Variants in SH3BGRL observed in about 807,000 individuals in gnomAD.
The protein encoded by SH3BGRL is adapter SH3BGRL.
Under a neutral mutation model 9.8 loss-of-function variants are expected in SH3BGRL, and 7 were observed. The observed-to-expected ratio is 0.72, with a 90% confidence interval of 0.41 to 1.35. SH3BGRL has a LOEUF of 1.35. Among genes scored for constraint, SH3BGRL ranks in the 40% most tolerant of loss-of-function variants. The pLI, the probability that SH3BGRL is intolerant of heterozygous loss-of-function variation, is 0.01. For missense variants in SH3BGRL, 73 were observed against 84.4 expected, an observed-to-expected ratio of 0.86 and a Z score of 0.53; for synonymous variants, 36 against 29.1, an observed-to-expected ratio of 1.24 and a Z score of -0.76.
Position 81,277,206 on chromosome X carries a change from G to T in SH3BGRL, c.231+37G>T, listed in dbSNP as rs754995676. On this transcript the variant is annotated intron_variant, in intron 2 of 3. Transcript: ENST00000373212. Reference sequence around the variant, plus strand: ...ATTTAAATTCTTGTTTATTGTAATAGATTGCCCCAAATCTATCCATTATTT... The same window carrying T: ...ATTTAAATTCTTGTTTATTGTAATATATTGCCCCAAATCTATCCATTATTT... The T allele has an allele frequency of 7.2e-6, 8 of 1,113,608 alleles. No individual in the cohort carries two copies. The South Asian group carries it at 9.7e-5, about 14-fold the overall frequency. The allele number at this position is 1,113,608 out of a possible 1,213,427, so 91.8% of individuals were successfully genotyped here.
At chrX:81,285,733 G>A (rs1287258982) in intron 3 of SH3BGRL, among the ~76,000 whole-genome samples, 2 of 111,544 alleles carry the variant, frequency 1.8e-5, no homozygotes, top group East Asian at 5.6e-4. Context: ...AACAAAAATA[G>A]TTTATCTACT....
intron 3 of SH3BGRL, among the ~76,000 whole-genome samples, chrX:81,286,498 C>CAAAAA (rs570813241): frequency 1.3e-4 from 6 of 46,407 alleles, no homozygotes; most frequent in African/African-American, 4.7e-4. Flanking sequence ...AGCTACTAGG[C>CAAAAA]AAAAAAAAAA....
chrX:81,295,148 G>T (rs1301438605), intron 3 of SH3BGRL, among the ~76,000 whole-genome samples: 1 of 112,034 alleles, frequency 8.9e-6, no homozygotes, highest in Non-Finnish European at 1.9e-5. Context: ...TTAAGACTTT[G>T]TGGGACTTTT....
At chrX:81,233,266 G>C (rs2075638398) in intron 1 of SH3BGRL, among the ~76,000 whole-genome samples, 1 of 111,935 alleles carries the variant, frequency 8.9e-6, no homozygotes. Context: ...GTGTGTTTAA[G>C]TGCAAGACTT....
intron 1 of SH3BGRL, among the ~76,000 whole-genome samples, chrX:81,272,987 C>G (rs767448130): frequency 7.2e-5 from 8 of 111,546 alleles, no homozygotes; most frequent in African/African-American, 2.6e-4. Flanking sequence ...TTATAGAGTT[C>G]GATTATATGT....
rs190600623 is a variant in SH3BGRL, at chrX:81,281,041, A to T, written c.312+2630A>T. Among the ~76,000 whole-genome samples the T allele has an allele frequency of 2.7e-5, 3 of 111,407 alleles. No individual in the cohort carries two copies. In the Admixed American group the frequency reaches 2.9e-4, roughly 11 times the overall value. ...AACACGAAATGCTTTGGAAAGTCTCAGCAATAGAATTGAACAAGTAGAAGA... is the reference window on the plus strand; with the variant it reads ...AACACGAAATGCTTTGGAAAGTCTCTGCAATAGAATTGAACAAGTAGAAGA... On this transcript the variant is annotated intron_variant, in intron 3 of 3. Transcript: ENST00000373212.
chrX:81,277,792 C>T (rs147174277), intron 2 of SH3BGRL, among the ~76,000 whole-genome samples: 1,641 of 111,661 alleles, frequency 0.015, 32 homozygotes, highest in African/African-American at 0.05. Flanking sequence ...AATCATTCTG[C>T]AGTTTTTGTG....
At chrX:81,283,901 A>G (rs2075825934) in intron 3 of SH3BGRL, among the ~76,000 whole-genome samples, 2 of 111,285 alleles carry the variant, frequency 1.8e-5, no homozygotes, top group South Asian at 7.5e-4. Context: ...TGATGATAGG[A>G]TCATTTATCT....
At chrX:81,263,161 A>G (rs993172352) in intron 1 of SH3BGRL, among the ~76,000 whole-genome samples, 4 of 110,087 alleles carry the variant, frequency 3.6e-5, no homozygotes, top group Non-Finnish European at 7.7e-5. Context: ...GAAGGGAACA[A>G]AGAGAGAAAA....
At chrX:81,225,010 A>G (rs2075612389) in intron 1 of SH3BGRL, among the ~76,000 whole-genome samples, 1 of 110,854 alleles carries the variant, frequency 9.0e-6, no homozygotes, top group African/African-American at 3.3e-5. Context: ...TAATTGCTTG[A>G]TGAATGATAT....
chrX:81,287,336 A>G (rs1013668890), intron 3 of SH3BGRL, among the ~76,000 whole-genome samples: 2 of 112,025 alleles, frequency 1.8e-5, no homozygotes, highest in African/African-American at 6.5e-5. Context: ...AGTGGCTGCT[A>G]CAAGCAATTA....
chrX:81,277,624 A>T (rs1181275460), intron 2 of SH3BGRL, among the ~76,000 whole-genome samples: 1 of 112,031 alleles, frequency 8.9e-6, no homozygotes, highest in Non-Finnish European at 1.9e-5. Flanking sequence ...GTAGGCTCTG[A>T]GAAAATCTCA....
intron 1 of SH3BGRL, among the ~76,000 whole-genome samples, chrX:81,236,554 T>C (rs2075648582): frequency 9.0e-6 from 1 of 111,579 alleles, no homozygotes; most frequent in South Asian, 3.8e-4. Context: ...TCTAGACTTA[T>C]TAAATTTGGA....
At chrX:81,208,039 G>A (rs1000963091) in intron 1 of SH3BGRL, among the ~76,000 whole-genome samples, 4 of 111,386 alleles carry the variant, frequency 3.6e-5, no homozygotes, top group African/African-American at 9.8e-5. Flanking sequence ...GGCGGATCAC[G>A]AGGTCAGGAG....
rs1156977306 is a variant in SH3BGRL at position 81,249,669 on chromosome X, C to T, written c.46-27315C>T. ...TGTAGTCCCCAGAACACTGCTGGGC[C>T]CAGAATGAGTACTTAATAAATACTT... On this transcript the variant is annotated intron_variant, in intron 1 of 3. Transcript: ENST00000373212. Among the ~76,000 whole-genome samples, 4 of 111,963 alleles carry T rather than the reference C, an allele frequency of 3.6e-5. No homozygotes were observed. The Admixed American group carries it at 3.8e-4, about 11-fold the overall frequency.
intron 1 of SH3BGRL, among the ~76,000 whole-genome samples, chrX:81,274,569 G>T: frequency 9.1e-6 from 1 of 109,438 alleles, no homozygotes; most frequent in East Asian, 2.9e-4. Context: ...TCTAGCCTGG[G>T]CGACAGAGCT....
chrX:81,279,335 G>A (rs1426351063), intron 3 of SH3BGRL, among the ~76,000 whole-genome samples: 1 of 111,465 alleles, frequency 9.0e-6, no homozygotes, highest in African/African-American at 3.3e-5. Flanking sequence ...ATAAGATAGA[G>A]TACTAGATTG....
chrX:81,204,087 T>A (rs1355117280), intron 1 of SH3BGRL, among the ~76,000 whole-genome samples: 1 of 111,649 alleles, frequency 9.0e-6, no homozygotes, highest in Non-Finnish European at 1.9e-5. Context: ...CCATCTTTGT[T>A]GGACTTTATT....
chrX:81,247,592 T>C (rs184400348), intron 1 of SH3BGRL, among the ~76,000 whole-genome samples: 26 of 111,966 alleles, frequency 2.3e-4, no homozygotes, highest in African/African-American at 7.8e-4. Flanking sequence ...CATTCTGTTT[T>C]TGTTGTGAAT....
Sources: gnomAD v4.1 joint callset for allele counts (sites outside exome capture counted in the v4.1 genomes callset) on GRCh38, gnomAD v4.1.1 for gene constraint, MANE v1.5 for transcripts, NCBI Gene and HGNC (gene_info 2026-07-23, HGNC 2026-07-21) for gene names.